FAM227B: variants seen among roughly 807,000 people sequenced by gnomAD.
FAM227B encodes protein FAM227B.
FAM227B carries 88 observed loss-of-function variants against 73.8 expected under a neutral mutation model. The ratio of observed to expected loss-of-function variants is 1.19; its 90% CI spans 1.00 to 1.42. The LOEUF (loss-of-function observed/expected upper bound fraction) is 1.42, where lower values mean the gene tolerates loss of function less well. Ranked by LOEUF, FAM227B falls within the 40% of genes most tolerant of loss-of-function variation. FAM227B has a pLI of 0.00. For synonymous variants in FAM227B, 210 were observed against 190.5 expected (o/e 1.10, Z -0.84); for missense variants, 632 against 590.9 (o/e 1.07, Z -0.72).
chr15:49,533,605 T>G (rs777052838), intron 10 of FAM227B, among the ~76,000 whole-genome samples: 3 of 151,904 alleles, frequency 2.0e-5, no homozygotes, highest in Non-Finnish European at 2.9e-5. Flanking sequence ...ATGAATTGAC[T>G]GCTTTATTAT....
At chr15:49,415,435 T>G (rs1205715958) in intron 11 of FAM227B, among the ~76,000 whole-genome samples, 1 of 152,056 alleles carries the variant, frequency 6.6e-6, no homozygotes, top group Admixed American at 6.6e-5. Context: ...GATTGTTTCC[T>G]AAAGTTAAGC....
chr15:49,502,593 A>T (rs972745941), intron 11 of FAM227B, among the ~76,000 whole-genome samples: 2 of 152,100 alleles, frequency 1.3e-5, no homozygotes, highest in Non-Finnish European at 2.9e-5. Flanking sequence ...CTTGTTTTTG[A>T]CCTTACAGGC....
At chr15:49,501,412 G>A (rs973549266) in intron 11 of FAM227B, among the ~76,000 whole-genome samples, 2 of 152,154 alleles carry the variant, frequency 1.3e-5, no homozygotes, top group African/African-American at 4.8e-5. Context: ...AAAGAACTTG[G>A]CTGCATTGTT....
At chr15:49,482,786 A>G (rs978186400) in intron 11 of FAM227B, among the ~76,000 whole-genome samples, 1 of 152,194 alleles carries the variant, frequency 6.6e-6, no homozygotes, top group East Asian at 1.9e-4. Context: ...GAGTTAATAC[A>G]TAAGAGCAAT....
intron 3 of FAM227B, among the ~76,000 whole-genome samples, chr15:49,607,328 G>GCA (rs887398832): frequency 3.0e-4 from 46 of 152,146 alleles, no homozygotes; most frequent in African/African-American, 1.1e-3. Flanking sequence ...TAAATAAGAC[G>GCA]CATAGCCACT....
At chr15:49,506,130 AG>A (rs990315212) in intron 11 of FAM227B, among the ~76,000 whole-genome samples, 2 of 152,030 alleles carry the variant, frequency 1.3e-5, no homozygotes, top group Non-Finnish European at 2.9e-5. Context: ...ATAACATTAA[AG>A]GGAGAAATAG....
At chr15:49,392,740 A>G (rs553271281) in intron 11 of FAM227B, among the ~76,000 whole-genome samples, 2 of 152,314 alleles carry the variant, frequency 1.3e-5, no homozygotes, top group East Asian at 3.9e-4. Context: ...GTTCATTTAA[A>G]TATTATAGTT....
At chr15:49,457,553 T>C (rs2053423431) in intron 11 of FAM227B, among the ~76,000 whole-genome samples, 1 of 151,972 alleles carries the variant, frequency 6.6e-6, no homozygotes, top group South Asian at 2.1e-4. Context: ...TCAAATTCCT[T>C]AGAGAACAGA....
chr15:49,541,810 C>A lies in FAM227B; in HGVS notation c.748-4G>T, dbSNP rs181800920. 1 of 1,397,778 alleles carries A rather than the reference C, an allele frequency of 7.2e-7. No individual in the cohort carries two copies. The highest frequency in any genetic ancestry group is 9.3e-7 in the Non-Finnish European group (1 of 1,070,092). The allele number at this position is 1,397,778 out of a possible 1,614,324, so 86.6% of individuals were successfully genotyped here. A position where few individuals can be genotyped will look rare whatever the true frequency, so the allele number is the denominator to read the frequency against. ...GTGCCAAACAATCAGGATATATCTA[C>A]CAAAATAAAATCAAATTAGATTAAT... On this transcript the variant is annotated splice_polypyrimidine_tract_variant and splice_region_variant and intron_variant, in intron 9 of 15. Transcript: ENST00000299338.
Position 49,509,808 on chromosome 15 carries a change from C to T in FAM227B, c.875-1460G>A, listed in dbSNP as rs1213625058. ...AAGTATTTCCTAGGAAATTGTTATCCTACAGGATTTAGAAACAAATGGCCC... is the reference window on the plus strand; with the variant it reads ...AAGTATTTCCTAGGAAATTGTTATCTTACAGGATTTAGAAACAAATGGCCC... On this transcript the variant is annotated intron_variant, in intron 10 of 15. Coordinates refer to ENST00000299338, the MANE Select transcript of FAM227B (RefSeq NM_152647.3). Among the ~76,000 whole-genome samples, 9 of 151,980 alleles carry T rather than the reference C, an allele frequency of 5.9e-5. No individual in the cohort carries two copies. The East Asian group carries it at 1.7e-3, about 29-fold the overall frequency.
chr15:49,328,844 A>G, intron 15 of FAM227B, 169 bp from the exon 16 acceptor site: 1 of 1,371,684 alleles, frequency 7.3e-7, no homozygotes, highest in East Asian at 2.5e-5. Context: ...TTTGTAAACC[A>G]TGTAATATAT....
intron 10 of FAM227B, among the ~76,000 whole-genome samples, chr15:49,522,949 C>T (rs1327539453): frequency 6.6e-6 from 1 of 152,132 alleles, no homozygotes; most frequent in African/African-American, 2.4e-5. Flanking sequence ...CTGGGAGATT[C>T]TATACAAAAC....
In FAM227B at chr15:49,331,800, C is replaced by T. The variant is rs1447949529; in HGVS notation, c.1399G>A (p.Glu467Lys). The change falls in exon 15 of 16, where the codon GAG (glutamate) becomes AAG (lysine). Residue 467 changes from glutamate (E) to lysine (K), a missense_variant. Glu to Lys is a moderately conservative substitution (Grantham distance 56). Coordinates refer to ENST00000299338, the MANE Select transcript of FAM227B (RefSeq NM_152647.3). ...KKPHEVKQDF[E>K]KFLHKLRSEA... ...CCTACCAGTTTATGTAGGAACTTCT[C>T]AAAGTCCTGTTTCACTTCATGAGGT... is the stretch of plus-strand genomic sequence containing the variant. The T allele has an allele frequency of 1.9e-6, 3 of 1,609,806 alleles. No homozygotes were observed. The South Asian group carries it at 3.3e-5, about 18-fold the overall frequency.
chr15:49,550,169 C>T lies in FAM227B; in HGVS notation c.748-8363G>A, dbSNP rs1360630435. ...TGGCCGGGCAGGGGGCTGATCCCCC[C>T]ACCTCCCTCCTGGACGGGGTGGCTG... is the stretch of plus-strand genomic sequence containing the variant. On this transcript the variant is annotated intron_variant, in intron 9 of 15. Transcript: ENST00000299338. 5.3e-4 allele frequency among the ~76,000 whole-genome samples: 78 copies of T among 147,312 alleles called. 2 individuals are homozygous for T. Among genetic ancestry groups the T allele is most frequent in the Non-Finnish European group, 4.7e-4 (31 of 66,198 alleles).
intron 15 of FAM227B, chr15:49,329,230 T>G: frequency 3.0e-6 from 3 of 985,974 alleles, no homozygotes; most frequent in Non-Finnish European, 3.6e-6. Flanking sequence ...TTGATGGGTA[T>G]CTCTGTATGT....
At chr15:49,576,968 T>A in intron 6 of FAM227B, 123 bp from the exon 7 acceptor site, 1 of 594,078 alleles carries the variant, frequency 1.7e-6, no homozygotes, top group Non-Finnish European at 2.9e-6. Flanking sequence ...TTACTTCTTT[T>A]TACTAAATTA....
intron 2 of FAM227B, 56 bp from the exon 3 acceptor site, chr15:49,611,324 A>T: frequency 1.2e-6 from 1 of 853,140 alleles, no homozygotes; most frequent in Middle Eastern, 2.5e-4. Flanking sequence ...ACTGTTCATA[A>T]TATTTACAAA....
chr15:49,526,436 A>G (rs1305258110), intron 10 of FAM227B, among the ~76,000 whole-genome samples: 1 of 152,094 alleles, frequency 6.6e-6, no homozygotes, highest in East Asian at 1.9e-4. Context: ...AAATGCCAAC[A>G]TCAAAAATAT....
rs538299689 is a variant in FAM227B at position 49,533,024 on chromosome 15, C to G, written c.874+8656G>C. 3.9e-5 allele frequency among the ~76,000 whole-genome samples: 6 copies of G among 152,022 alleles called. No homozygotes were observed. The East Asian group carries it at 5.8e-4, about 15-fold the overall frequency. On this transcript the variant is annotated intron_variant, in intron 10 of 15. Transcript: ENST00000299338. The stretch of plus-strand genomic sequence containing the variant: ...GGTGCACATTTTTGTGTGTCCCCCC[C>G]ACACTGCTCCATCAATGGCACATCC...
Sources: gnomAD v4.1 joint callset for allele counts (sites outside exome capture counted in the v4.1 genomes callset) on GRCh38, gnomAD v4.1.1 for gene constraint, MANE v1.5 for transcripts, NCBI Gene and HGNC (gene_info 2026-07-23, HGNC 2026-07-21) for gene names.